Variants in CNNM1 observed in about 807,000 individuals in gnomAD.
The protein encoded by CNNM1 is cyclin and CBS domain divalent metal cation transport mediator 1.
A neutral mutation model predicts 78.8 loss-of-function variants in CNNM1; 44 were observed. The ratio of observed to expected loss-of-function variants is 0.56; its 90% CI spans 0.44 to 0.72. The LOEUF (loss-of-function observed/expected upper bound fraction) is 0.72, where lower values mean the gene tolerates loss of function less well. Among genes scored for constraint, CNNM1 ranks in the 30% least tolerant of loss-of-function variants. The pLI is 0.00. For synonymous variants in CNNM1, 584 were observed against 581.5 expected (o/e 1.00, Z -0.06); for missense variants, 1,101 against 1,292.2 (o/e 0.85, Z 2.27).
At chr10:99,365,512 T>G (rs563706883) in intron 6 of CNNM1, among the ~76,000 whole-genome samples, 57 of 152,302 alleles carry the variant, frequency 3.7e-4, no homozygotes, top group African/African-American at 1.3e-3. Flanking sequence ...TCTCAGCTAG[T>G]GGAGAGGTAT....
Position 99,358,003 on chromosome 10 carries a change from GTTC to G in CNNM1, c.1717+351_1717+353del, listed in dbSNP as rs535615878. Among the ~76,000 whole-genome samples, 43 of 152,308 alleles carry G rather than the reference GTTC, an allele frequency of 2.8e-4. No individual in the cohort carries two copies. The South Asian group carries it at 6.6e-3, about 23-fold the overall frequency. ...CTCTGCCCTTGTTTCTGTCCCCTGT[GTTC>G]TTGTTTGGTTGCTTCATCCACCTAG... is the stretch of plus-strand genomic sequence containing the variant. On this transcript the variant is annotated intron_variant, in intron 2 of 10. Coordinates refer to ENST00000356713, the MANE Select transcript of CNNM1 (RefSeq NM_020348.3).
intron 1 of CNNM1, among the ~76,000 whole-genome samples, chr10:99,341,217 G>A (rs945221229): frequency 2.6e-5 from 4 of 152,236 alleles, no homozygotes; most frequent in Admixed American, 1.3e-4. Flanking sequence ...GAACAGACAT[G>A]CAAAGGCCCT....
chr10:99,335,642 T>C (rs1026987338), intron 1 of CNNM1, among the ~76,000 whole-genome samples: 1 of 152,210 alleles, frequency 6.6e-6, no homozygotes, highest in African/African-American at 2.4e-5. Context: ...CCCTTTAGTC[T>C]CCCAGACTAG....
intron 1 of CNNM1, among the ~76,000 whole-genome samples, chr10:99,349,969 A>T (rs1347380676): frequency 6.6e-6 from 1 of 152,192 alleles, no homozygotes; most frequent in Admixed American, 6.5e-5. Flanking sequence ...ATTGAACTCC[A>T]GCCTGAGCAA....
At chr10:99,365,117 C>A in intron 6 of CNNM1, 115 bp downstream of exon 6, 1 of 1,025,522 alleles carries the variant, frequency 9.8e-7, no homozygotes, top group Non-Finnish European at 1.5e-6. Flanking sequence ...CAAATGCTGG[C>A]AGCCCCTTTG....
At chr10:99,390,276 C>A in intron 9 of CNNM1, 30 bp from the exon 10 acceptor site, 2 of 1,506,696 alleles carry the variant, frequency 1.3e-6, no homozygotes, top group Non-Finnish European at 1.8e-6. Flanking sequence ...TAGGTTGAGA[C>A]AACTTGAGTT....
chr10:99,331,650 C>T (rs867146973), intron 1 of CNNM1, among the ~76,000 whole-genome samples: 6 of 152,092 alleles, frequency 3.9e-5, no homozygotes, highest in African/African-American at 1.4e-4. Context: ...GAGGATTACT[C>T]GAGCCCAGGA....
At chr10:99,355,436 T>C (rs1020494291) in intron 1 of CNNM1, among the ~76,000 whole-genome samples, 5 of 152,174 alleles carry the variant, frequency 3.3e-5, no homozygotes, top group Non-Finnish European at 5.9e-5. Flanking sequence ...AAAAAAGAGT[T>C]TATAAAGGGT....
At chr10:99,353,699 A>C (rs1014182585) in intron 1 of CNNM1, among the ~76,000 whole-genome samples, 2 of 152,200 alleles carry the variant, frequency 1.3e-5, no homozygotes, top group Non-Finnish European at 2.9e-5. Flanking sequence ...GTGATTGACA[A>C]TTCCCATCCC....
intron 9 of CNNM1, among the ~76,000 whole-genome samples, chr10:99,389,988 G>A (rs755287164): frequency 6.6e-6 from 1 of 152,144 alleles, no homozygotes; most frequent in African/African-American, 2.4e-5. Flanking sequence ...TAGACTGGGT[G>A]GAGAACACAT....
chr10:99,370,304 C>A (rs1171886784), intron 6 of CNNM1, among the ~76,000 whole-genome samples: 1 of 152,122 alleles, frequency 6.6e-6, no homozygotes, highest in Non-Finnish European at 1.5e-5. Flanking sequence ...ACAATGGAAA[C>A]CCTACCCATA....
Position 99,394,149 on chromosome 10 carries a change from C to T in CNNM1, c.*2633C>T, listed in dbSNP as rs1197015294. 6.6e-6 allele frequency: 1 copy of T among 152,540 alleles called. No homozygotes were observed. Among genetic ancestry groups the T allele is most frequent in the African/African-American group, 2.4e-5 (1 of 41,398 alleles). 9.4% of individuals were successfully genotyped at this position (152,540 alleles called of 1,614,324 possible). A position where few individuals can be genotyped will look rare whatever the true frequency, so the allele number is the denominator to read the frequency against. ...CAAGCCACTGCTGTTGCATTACACC[C>T]ATCCCTTTGCAAAATCCCTATGGAG... On this transcript the variant is annotated 3_prime_UTR_variant, in exon 11 of 11. Transcript: ENST00000356713.
At chr10:99,382,383 C>A (rs2032188171) in intron 7 of CNNM1, among the ~76,000 whole-genome samples, 1 of 152,162 alleles carries the variant, frequency 6.6e-6, no homozygotes, top group Non-Finnish European at 1.5e-5. Context: ...GACTACGTAA[C>A]CTTGACCAAG....
intron 6 of CNNM1, 49 bp downstream of exon 6, chr10:99,365,051 C>A: frequency 6.3e-7 from 1 of 1,596,634 alleles, no homozygotes; most frequent in Non-Finnish European, 8.6e-7. Context: ...GTAGTCCTGC[C>A]TCAGCCCGCT....
chr10:99,346,835 C>T (rs1252591839), intron 1 of CNNM1, among the ~76,000 whole-genome samples: 1 of 152,020 alleles, frequency 6.6e-6, no homozygotes. Context: ...TCTTGGAACT[C>T]CTGGGCTCAA....
In CNNM1 at chr10:99,338,548, G is replaced by C. The variant is rs563464212; in HGVS notation, c.1573+7588G>C. ...CCAACCTCGGCCTCCCAAAGTGCTAGGATTACAGGTGTGAGCCATTGCACC... is the reference window on the plus strand; with the variant it reads ...CCAACCTCGGCCTCCCAAAGTGCTACGATTACAGGTGTGAGCCATTGCACC... On this transcript the variant is annotated intron_variant, in intron 1 of 10. Transcript: ENST00000356713. Among the ~76,000 whole-genome samples, 55 of 152,004 alleles carry C rather than the reference G, an allele frequency of 3.6e-4. 1 individual carries two copies. In the East Asian group the frequency reaches 4.3e-3, roughly 12 times the overall value.
intron 2 of CNNM1, among the ~76,000 whole-genome samples, chr10:99,358,472 T>C (rs2031301825): frequency 6.6e-6 from 1 of 152,208 alleles, no homozygotes; most frequent in African/African-American, 2.4e-5. Context: ...TTTTCTTCCT[T>C]GCAGATAACT....
At chr10:99,372,040 G>T (rs960643173) in intron 6 of CNNM1, among the ~76,000 whole-genome samples, 1 of 152,046 alleles carries the variant, frequency 6.6e-6, no homozygotes, top group African/African-American at 2.4e-5. Context: ...TGTATCTTGG[G>T]GTCTGATTCC....
chr10:99,372,608 A>G (rs2031838385), intron 6 of CNNM1, among the ~76,000 whole-genome samples: 1 of 152,150 alleles, frequency 6.6e-6, no homozygotes, highest in Non-Finnish European at 1.5e-5. Flanking sequence ...GAATTACACA[A>G]CTTGAACTAG....
Sources: gnomAD v4.1 joint callset for allele counts (sites outside exome capture counted in the v4.1 genomes callset) on GRCh38, gnomAD v4.1.1 for gene constraint, MANE v1.5 for transcripts, NCBI Gene and HGNC (gene_info 2026-07-23, HGNC 2026-07-21) for gene names.